Variants in ZNF514 observed in about 807,000 individuals in gnomAD.
ZNF514 encodes the protein zinc finger protein 514.
ZNF514 carries 12 observed loss-of-function variants against 9.7 expected under a neutral mutation model. The observed-to-expected ratio is 1.24, with a 90% CI of 0.79 to 2.01. The LOEUF (loss-of-function observed/expected upper bound fraction) is 2.01, where lower values mean the gene tolerates loss of function less well. ZNF514 is among the 30% of genes most tolerant of loss of function. The pLI is 0.00. For synonymous variants in ZNF514, 158 were observed against 163.7 expected (o/e 0.97, Z 0.27); for missense variants, 467 against 465.5 (o/e 1.00, Z -0.03).
chr2:95,135,215 A>G, the ZNF514 span, among the ~76,000 whole-genome samples: 1 of 152,090 alleles, frequency 6.6e-6, no homozygotes, highest in Non-Finnish European at 1.5e-5. Context: ...AAGTCTTCCA[A>G]TCCATGAACG....
At chr2:95,153,032 C>T in intron 3 of ZNF514, 101 bp downstream of exon 3, 2 of 1,483,354 alleles carry the variant, frequency 1.3e-6, no homozygotes, top group Non-Finnish European at 1.8e-6. Flanking sequence ...CCAAGGAAAC[C>T]CAGGGCCAAA....
chr2:95,132,818 A>G, the ZNF514 span, among the ~76,000 whole-genome samples: 4 of 142,852 alleles, frequency 2.8e-5, no homozygotes, highest in Admixed American at 7.5e-5. Context: ...CAGTGAGCTG[A>G]GATCATGCCA....
chr2:95,124,045 A>T, the ZNF514 span, among the ~76,000 whole-genome samples: 41 of 152,274 alleles, frequency 2.7e-4, no homozygotes, highest in Non-Finnish European at 4.3e-4. Flanking sequence ...CATAGATTTT[A>T]TGAGTTTTAC....
At chr2:95,129,359 A>G in the ZNF514 span, among the ~76,000 whole-genome samples, 1 of 152,252 alleles carries the variant, frequency 6.6e-6, no homozygotes, top group Admixed American at 6.5e-5. Context: ...TCCAACCCTC[A>G]GCACCCTCCT....
the ZNF514 span, among the ~76,000 whole-genome samples, chr2:95,126,916 G>A: frequency 1.8e-4 from 27 of 152,028 alleles, no homozygotes; most frequent in East Asian, 4.7e-3. Context: ...GAATAACCAC[G>A]GGATGGGTTC....
rs1673488152 is a variant in ZNF514, at chr2:95,149,975, G to A, written c.510C>T (p.His170=). 1.2e-6 allele frequency: 2 copies of A among 1,614,074 alleles called. No individual in the cohort carries two copies. The highest frequency in any genetic ancestry group is 1.7e-6 in the Non-Finnish European group (2 of 1,180,042). The change falls in exon 5 of 5, where the codon CAC becomes CAT. Residue 170 remains histidine (H), a synonymous_variant. Transcript: ENST00000295208. ...AAGATCCTTCTCCCATGAGAATGCT[G>A]TGTTGGTTAACAAGGACTGATCTTA... The part of the protein sequence containing the change: ...LGLRSVLVNQ[H]SILMGEGSYK...
the ZNF514 span, among the ~76,000 whole-genome samples, chr2:95,125,428 A>G: frequency 1.3e-5 from 2 of 151,676 alleles, no homozygotes. Flanking sequence ...TTTAGTAGAG[A>G]CAGGTTTCAC....
At chr2:95,139,368 G>C in the ZNF514 span, among the ~76,000 whole-genome samples, 1 of 152,246 alleles carries the variant, frequency 6.6e-6, no homozygotes, top group Non-Finnish European at 1.5e-5. Context: ...AAAAGCCACA[G>C]AGGTGGAGCT....
the ZNF514 span, among the ~76,000 whole-genome samples, chr2:95,134,813 G>C: frequency 1.3e-5 from 2 of 152,202 alleles, no homozygotes; most frequent in African/African-American, 4.8e-5. Context: ...GCATGTGGCT[G>C]TACAGGTGTC....
chr2:95,128,709 G>A, the ZNF514 span, among the ~76,000 whole-genome samples: 1 of 149,898 alleles, frequency 6.7e-6, no homozygotes, highest in African/African-American at 2.5e-5. Context: ...GAGGAAGAAG[G>A]AGAAAGAAGG....
In ZNF514 at chr2:95,149,626, G is replaced by A; in HGVS notation, c.859C>T (p.Pro287Ser). ...LHYRFHTGEKPYKCNECGRAF... is the reference protein window; with the variant it reads ...LHYRFHTGEKSYKCNECGRAF... ...CGTCCACATTCATTACATTTGTAGGGTTTCTCTCCAGTGTGAAATCTATAG... is the reference window on the plus strand; with the variant it reads ...CGTCCACATTCATTACATTTGTAGGATTTCTCTCCAGTGTGAAATCTATAG... The change falls in exon 5 of 5, where the codon CCC (proline) becomes TCC (serine). Residue 287 changes from proline to serine, a missense_variant. By Grantham distance (74) the Pro-to-Ser change is moderately conservative. Transcript: ENST00000295208. 1 of 1,614,072 alleles carries A rather than the reference G, an allele frequency of 6.2e-7. No individual in the cohort carries two copies. Among genetic ancestry groups the A allele is most frequent in the Non-Finnish European group, 8.5e-7 (1 of 1,180,006 alleles).
chr2:95,134,762 A>G, the ZNF514 span, among the ~76,000 whole-genome samples: 1 of 152,166 alleles, frequency 6.6e-6, no homozygotes, highest in Non-Finnish European at 1.5e-5. Context: ...TGCATTTTGC[A>G]TTTATTTTTG....
chr2:95,152,570 G>A, intron 4 of ZNF514, 104 bp downstream of exon 4: 2 of 890,834 alleles, frequency 2.2e-6, no homozygotes, highest in African/African-American at 1.7e-5. Flanking sequence ...CTCCTGCCAA[G>A]TGATCTCATC....
the ZNF514 span, among the ~76,000 whole-genome samples, chr2:95,139,623 C>T: frequency 6.6e-6 from 1 of 151,526 alleles, no homozygotes; most frequent in Non-Finnish European, 1.5e-5. Flanking sequence ...TTTTTAGGCT[C>T]ATAAGTGAAA....
chr2:95,146,804 G>T lies in ZNF514; in HGVS notation c.*2478C>A, dbSNP rs185768474. Among the ~76,000 whole-genome samples the T allele has an allele frequency of 5.3e-5, 8 of 151,996 alleles. No homozygotes were observed. Among genetic ancestry groups the T allele is most frequent in the Non-Finnish European group, 8.8e-5 (6 of 67,976 alleles). ...AAGTGATCTGGGTAGGTACAGAAAA[G>T]GGCACTGGGAAAAAAGGGAGAGACG... On this transcript the variant is annotated 3_prime_UTR_variant, in exon 5 of 5. Transcript: ENST00000295208.
chr2:95,126,206 A>T, the ZNF514 span, among the ~76,000 whole-genome samples: 1 of 152,074 alleles, frequency 6.6e-6, no homozygotes, highest in Middle Eastern at 3.4e-3. Context: ...CCCCATCTCT[A>T]CTAAAAATAC....
rs373120863 is a variant in ZNF514 at position 95,152,811 on chromosome 2, G to C, written c.122-42C>G. ...AAAAGGATTTTGGTTGTGTGTGCCA[G>C]TGGCCAAGTCTTTGGATATTCATCT... On this transcript the variant is annotated intron_variant, in intron 3 of 4. Coordinates refer to ENST00000295208, the MANE Select transcript of ZNF514 (RefSeq NM_032788.3). 43 of 1,539,630 alleles carry C rather than the reference G, an allele frequency of 2.8e-5. No homozygotes were observed. In the Middle Eastern group the frequency reaches 2.5e-3, roughly 90 times the overall value.
the ZNF514 span, among the ~76,000 whole-genome samples, chr2:95,125,430 A>G: frequency 3.3e-5 from 5 of 151,954 alleles, no homozygotes; most frequent in East Asian, 1.9e-4. Flanking sequence ...TAGTAGAGAC[A>G]GGTTTCACCA....
chr2:95,157,729 G>GT (rs1200982830), intron 1 of ZNF514, among the ~76,000 whole-genome samples: 1 of 152,196 alleles, frequency 6.6e-6, no homozygotes, highest in Non-Finnish European at 1.5e-5. Context: ...TGGGCATACT[G>GT]TATGCAGGTC....
Sources: allele counts gnomAD v4.1 joint callset (sites outside exome capture counted in the v4.1 genomes callset), GRCh38; gene constraint gnomAD v4.1.1; transcripts MANE v1.5; gene names NCBI Gene and HGNC (gene_info 2026-07-23, HGNC 2026-07-21).